TBCD: variants seen among roughly 807,000 people sequenced by gnomAD.
TBCD encodes tubulin folding cofactor D, also known as tubulin-specific chaperone D.
Under a neutral mutation model 169.3 loss-of-function variants are expected in TBCD, and 105 were observed. That is an observed-to-expected ratio of 0.62 (90% CI 0.53 to 0.73). The LOEUF is 0.73. Among genes scored for constraint, TBCD ranks in the 30% least tolerant of loss-of-function variants. The pLI, the probability that TBCD is intolerant of heterozygous loss-of-function variation, is 0.00. For synonymous variants in TBCD, 700 were observed against 643.9 expected, an observed-to-expected ratio of 1.09 and a Z score of -1.32; for missense variants, 1,444 against 1,600.1, an observed-to-expected ratio of 0.90 and a Z score of 1.66.
Position 82,900,730 on chromosome 17 carries a change from G to A in TBCD, c.1729G>A (p.Gly577Arg), listed in dbSNP as rs781496274. Residue 577 changes from glycine (G) to arginine (R), a missense_variant and splice_region_variant, in exon 18 of 39, where the codon GGG becomes AGG. Coordinates refer to ENST00000355528, the MANE Select transcript of TBCD (RefSeq NM_005993.5). ...TACCATGAAGATCAGCCACTGGGAT[G>A]GGTAGGTTTTCTGTTTTTGTTTTTC... Reference protein sequence around the residue: ...LVTMKISHWDGVIRELAARAL... With the variant: ...LVTMKISHWDRVIRELAARAL... 8.1e-6 allele frequency: 13 copies of A among 1,613,282 alleles called. No individual in the cohort carries two copies. The highest frequency in any genetic ancestry group is 1.1e-5 in the Non-Finnish European group (13 of 1,179,388).
intron 7 of TBCD, among the ~76,000 whole-genome samples, chr17:82,786,169 G>A (rs2049305699): frequency 6.6e-6 from 1 of 152,120 alleles, no homozygotes; most frequent in Non-Finnish European, 1.5e-5. Context: ...CGATCCCACC[G>A]TAGAACCTGT....
intron 14 of TBCD, among the ~76,000 whole-genome samples, chr17:82,877,404 G>C (rs186073848): frequency 3.0e-4 from 45 of 152,122 alleles, no homozygotes; most frequent in Middle Eastern, 3.4e-3. Context: ...GGAGTGCAGT[G>C]GTGCGATCTT....
rs375519186 is a variant in TBCD, at chr17:82,801,054, G to A, written c.950+58G>A. The A allele has an allele frequency of 2.6e-6, 4 of 1,524,652 alleles. No individual in the cohort carries two copies. In the Admixed American group the frequency reaches 8.6e-5, roughly 33 times the overall value. The allele number at this position is 1,524,652 out of a possible 1,614,324, so 94.4% of individuals were successfully genotyped here. Reference sequence around the variant, plus strand: ...CCACGGGGTGGGGAGGGGTTGCTGTGGGGGGCAGGCGCCATTGATGAGGGC... The same window carrying A: ...CCACGGGGTGGGGAGGGGTTGCTGTAGGGGGCAGGCGCCATTGATGAGGGC... On this transcript the variant is annotated intron_variant, in intron 9 of 38. Transcript: ENST00000355528.
chr17:82,814,373 G>C (rs2051691110), intron 12 of TBCD, among the ~76,000 whole-genome samples: 1 of 152,200 alleles, frequency 6.6e-6, no homozygotes, highest in Non-Finnish European at 1.5e-5. Flanking sequence ...CCCCACCTGG[G>C]ACGGCACAGA....
intron 1 of TBCD, among the ~76,000 whole-genome samples, chr17:82,755,444 T>C (rs955462545): frequency 3.9e-5 from 6 of 152,242 alleles, no homozygotes; most frequent in African/African-American, 1.2e-4. Context: ...ATGTCAAATA[T>C]ATTTTAGGGA....
intron 18 of TBCD, 26 bp downstream of exon 18, chr17:82,900,757 A>G (rs1401541229): frequency 1.9e-6 from 3 of 1,584,866 alleles, no homozygotes; most frequent in Non-Finnish European, 2.6e-6. Context: ...TTGTTTTTCT[A>G]AGAGCTTTTT....
At chr17:82,917,239 C>T (rs186276078) in intron 23 of TBCD, among the ~76,000 whole-genome samples, 9 of 151,988 alleles carry the variant, frequency 5.9e-5, no homozygotes, top group Non-Finnish European at 1.0e-4. Flanking sequence ...AGGCTGGTCT[C>T]GATCTCTTGA....
At chr17:82,921,391 A>G in intron 24 of TBCD, 110 bp from the exon 25 acceptor site, 1 of 894,762 alleles carries the variant, frequency 1.1e-6, no homozygotes, top group Non-Finnish European at 1.9e-6. Flanking sequence ...ATTCCTCTCA[A>G]AGGTTACCAT....
Position 82,870,371 on chromosome 17 carries a change from C to T in TBCD, c.1466C>T (p.Ala489Val). The change falls in exon 14 of 39, where the codon GCA (alanine) becomes GTA (valine). Residue 489 changes from alanine (A) to valine (V), a missense_variant. Ala to Val is a moderately conservative substitution (Grantham distance 64). Transcript: ENST00000355528. ...CAGGAGCTGAAGCCCTTTGTGACTGCAATCTCGAGGTAGGCCCATTCGTCG... is the reference window on the plus strand; with the variant it reads ...CAGGAGCTGAAGCCCTTTGTGACTGTAATCTCGAGGTAGGCCCATTCGTCG... ...EPQELKPFVT[A>V]ISSALVIAAV... 1 of 1,612,874 alleles carries T rather than the reference C, an allele frequency of 6.2e-7. No individual in the cohort carries two copies.
chr17:82,792,226 C>T (rs946032860), intron 7 of TBCD, among the ~76,000 whole-genome samples: 6 of 151,452 alleles, frequency 4.0e-5, no homozygotes, highest in Admixed American at 6.6e-5. Context: ...GAGAATCGCT[C>T]GAACCCAGGA....
chr17:82,919,342 G>A (rs1314590092), intron 23 of TBCD, among the ~76,000 whole-genome samples: 1 of 152,072 alleles, frequency 6.6e-6, no homozygotes, highest in Non-Finnish European at 1.5e-5. Flanking sequence ...ATTCCACAAG[G>A]TAGAAACAAA....
chr17:82,928,856 CAT>C (rs1156881220), intron 30 of TBCD, among the ~76,000 whole-genome samples: 1 of 152,148 alleles, frequency 6.6e-6, no homozygotes, highest in Non-Finnish European at 1.5e-5. Context: ...ACACGTAGCA[CAT>C]GTGTAACAAG....
At chr17:82,888,750 C>A (rs971685739) in intron 15 of TBCD, among the ~76,000 whole-genome samples, 9 of 152,242 alleles carry the variant, frequency 5.9e-5, no homozygotes, top group Admixed American at 4.6e-4. Flanking sequence ...TGGTGCCCGT[C>A]TGTGTGTGCT....
At chr17:82,886,572 C>T (rs12941774) in intron 15 of TBCD, among the ~76,000 whole-genome samples, 147,987 of 149,128 alleles carry the variant, frequency 0.99, 73,437 homozygotes, top group Non-Finnish European at 1. Context: ...TCGTTTGATA[C>T]ATAGTGTCTG....
intron 23 of TBCD, among the ~76,000 whole-genome samples, chr17:82,918,071 G>T (rs2147092008): frequency 6.6e-6 from 1 of 152,352 alleles, no homozygotes; most frequent in South Asian, 2.1e-4. Context: ...GAAGTTATGA[G>T]ATTAGTAATA....
intron 38 of TBCD, 85 bp downstream of exon 38, chr17:82,941,568 C>A: frequency 8.0e-7 from 1 of 1,249,376 alleles, no homozygotes; most frequent in African/African-American, 1.5e-5. Flanking sequence ...TGCTTAGCTT[C>A]TGCCAGCACG....
At chr17:82,845,245 G>A (rs1740283965) in intron 13 of TBCD, among the ~76,000 whole-genome samples, 1 of 152,028 alleles carries the variant, frequency 6.6e-6, no homozygotes, top group African/African-American at 2.4e-5. Context: ...TCTCCATCCT[G>A]TCCAGCTCAG....
At chr17:82,902,215 T>C (rs1305637722) in intron 18 of TBCD, among the ~76,000 whole-genome samples, 2 of 152,210 alleles carry the variant, frequency 1.3e-5, no homozygotes, top group Non-Finnish European at 2.9e-5. Flanking sequence ...TTAAAGTAAC[T>C]GATGACTGGT....
intron 25 of TBCD, 50 bp downstream of exon 25, chr17:82,921,627 G>C: frequency 6.4e-7 from 1 of 1,556,378 alleles, no homozygotes; most frequent in Non-Finnish European, 8.9e-7. Context: ...GTGTTAGTGT[G>C]TTAGTCACGG....
Sources: allele counts gnomAD v4.1 joint callset (sites outside exome capture counted in the v4.1 genomes callset), GRCh38; gene constraint gnomAD v4.1.1; transcripts MANE v1.5; gene names NCBI Gene and HGNC (gene_info 2026-07-23, HGNC 2026-07-21).